SERGEF: variants seen among roughly 807,000 people sequenced by gnomAD.
SERGEF encodes secretion-regulating guanine nucleotide exchange factor.
A neutral mutation model predicts 50.0 loss-of-function variants in SERGEF; 51 were observed. The observed-to-expected ratio is 1.02, with a 90% CI of 0.81 to 1.29. The LOEUF (loss-of-function observed/expected upper bound fraction) is 1.29, where lower values mean the gene tolerates loss of function less well. SERGEF is among the 50% of genes most tolerant of loss of function. SERGEF has a pLI of 0.00. For missense variants in SERGEF, 521 were observed against 557.0 expected, an observed-to-expected ratio of 0.94 and a Z score of 0.65; for synonymous variants, 205 against 212.4, an observed-to-expected ratio of 0.97 and a Z score of 0.30.
intron 10 of SERGEF, among the ~76,000 whole-genome samples, chr11:17,806,465 T>G (rs1484102853): frequency 6.6e-6 from 1 of 152,220 alleles, no homozygotes; most frequent in Non-Finnish European, 1.5e-5. Flanking sequence ...ATTTTACCCT[T>G]GAAGAAGCTG....
rs369688020 is a variant in SERGEF at position 17,937,304 on chromosome 11, G to T, written c.1011+22166C>A. Among the ~76,000 whole-genome samples, 7 of 152,148 alleles carry T rather than the reference G, an allele frequency of 4.6e-5. No homozygotes were observed. In the East Asian group the frequency reaches 5.8e-4, roughly 13 times the overall value. ...CCCAACACTTTGGGAAGCCAAGGTG[G>T]GTGGATCATTAGAAGCCAGGAGTTC... On this transcript the variant is annotated intron_variant, in intron 9 of 10. Coordinates refer to ENST00000265965, the MANE Select transcript of SERGEF (RefSeq NM_012139.4).
intron 8 of SERGEF, among the ~76,000 whole-genome samples, chr11:17,986,128 C>G (rs1170243676): frequency 2.0e-5 from 3 of 152,158 alleles, no homozygotes; most frequent in African/African-American, 7.2e-5. Flanking sequence ...TCAAATAACT[C>G]CTTGTTCCAC....
At chr11:17,980,535 C>T (rs1169784221) in intron 8 of SERGEF, among the ~76,000 whole-genome samples, 1 of 152,190 alleles carries the variant, frequency 6.6e-6, no homozygotes, top group Non-Finnish European at 1.5e-5. Flanking sequence ...AACAAATTCA[C>T]TCATAATCCC....
At chr11:17,927,992 T>C (rs1463016500) in intron 9 of SERGEF, among the ~76,000 whole-genome samples, 1 of 152,264 alleles carries the variant, frequency 6.6e-6, no homozygotes, top group Non-Finnish European at 1.5e-5. Context: ...AAGATCCTTT[T>C]AAACTCAGCT....
At chr11:18,002,225 T>G (rs1853977865) in intron 4 of SERGEF, among the ~76,000 whole-genome samples, 1 of 152,312 alleles carries the variant, frequency 6.6e-6, no homozygotes, top group Non-Finnish European at 1.5e-5. Context: ...CACCTCCACC[T>G]CTTACTCTCC....
chr11:17,903,270 G>A (rs536983331), intron 9 of SERGEF, among the ~76,000 whole-genome samples: 1 of 150,102 alleles, frequency 6.7e-6, no homozygotes, highest in Non-Finnish European at 1.5e-5. Context: ...AAGCCTACAT[G>A]ATATGATGAT....
At chr11:17,869,135 A>G (rs762778993) in intron 10 of SERGEF, among the ~76,000 whole-genome samples, 17 of 152,204 alleles carry the variant, frequency 1.1e-4, no homozygotes, top group Non-Finnish European at 1.9e-4. Flanking sequence ...AGAATAAAAT[A>G]TAAAGAAAGA....
Position 18,006,757 on chromosome 11 carries a change from T to A in SERGEF, c.197-11A>T. The A allele has an allele frequency of 6.2e-7, 1 of 1,613,928 alleles. No homozygotes were observed. The highest frequency in any genetic ancestry group is 1.7e-5 in the Admixed American group (1 of 59,940). ...AGAGGTCTCCTCCATCTGCAAAATA[T>A]AAAGGCATCAGTGATAGCGTGCACA... On this transcript the variant is annotated splice_polypyrimidine_tract_variant and intron_variant, in intron 2 of 10. Coordinates refer to ENST00000265965, the MANE Select transcript of SERGEF (RefSeq NM_012139.4).
At chr11:17,934,831 C>CCACCACCTAATACCACGTCA (rs1565209023) in intron 9 of SERGEF, among the ~76,000 whole-genome samples, 6 of 152,332 alleles carry the variant, frequency 3.9e-5, no homozygotes, top group African/African-American at 1.4e-4. Context: ...ATCTACAATT[C>CCACCACCTAATACCACGTCA]CACCACCTAA....
At chr11:17,914,731 T>C (rs1194050561) in intron 9 of SERGEF, among the ~76,000 whole-genome samples, 2 of 152,254 alleles carry the variant, frequency 1.3e-5, no homozygotes, top group Non-Finnish European at 2.9e-5. Flanking sequence ...TTTATCTAAA[T>C]ATCTTTTATG....
At chr11:17,894,564 C>T (rs961779362) in intron 9 of SERGEF, among the ~76,000 whole-genome samples, 21 of 152,172 alleles carry the variant, frequency 1.4e-4, no homozygotes, top group African/African-American at 5.1e-4. Flanking sequence ...TTATAACTTT[C>T]TTAATCACGC....
At chr11:17,897,576 T>C (rs1278310348) in intron 9 of SERGEF, among the ~76,000 whole-genome samples, 1 of 152,070 alleles carries the variant, frequency 6.6e-6, no homozygotes, top group Non-Finnish European at 1.5e-5. Flanking sequence ...CTGAAACACA[T>C]AACAACATGG....
intron 9 of SERGEF, among the ~76,000 whole-genome samples, chr11:17,893,657 T>C (rs971051906): frequency 1.3e-5 from 2 of 152,240 alleles, no homozygotes; most frequent in Non-Finnish European, 2.9e-5. Context: ...AAGCCACTAG[T>C]ATCCACGTGC....
chr11:17,931,662 A>G (rs1189897448), intron 9 of SERGEF, among the ~76,000 whole-genome samples: 1 of 152,194 alleles, frequency 6.6e-6, no homozygotes, highest in East Asian at 1.9e-4. Context: ...GACTTCTGTG[A>G]GCACTTAGGC....
At chr11:17,986,043 A>T in intron 8 of SERGEF, among the ~76,000 whole-genome samples, 1 of 152,216 alleles carries the variant, frequency 6.6e-6, no homozygotes, top group East Asian at 1.9e-4. Flanking sequence ...GACTGAGAGC[A>T]GCCTCTGTGC....
At chr11:17,868,365 A>C (rs1851071514) in intron 10 of SERGEF, among the ~76,000 whole-genome samples, 2 of 152,196 alleles carry the variant, frequency 1.3e-5, no homozygotes, top group Admixed American at 1.3e-4. Flanking sequence ...AAAACACAAC[A>C]AGGATCACCT....
chr11:17,921,251 A>C (rs1003365050), intron 9 of SERGEF, among the ~76,000 whole-genome samples: 1 of 152,238 alleles, frequency 6.6e-6, no homozygotes, highest in African/African-American at 2.4e-5. Context: ...TTAAGTTTTA[A>C]AAGTACTCAT....
chr11:17,803,858 G>T (rs908899778), intron 10 of SERGEF, among the ~76,000 whole-genome samples: 12 of 152,198 alleles, frequency 7.9e-5, no homozygotes, highest in African/African-American at 2.9e-4. Flanking sequence ...TTTGACACAA[G>T]TTCTAGCCGA....
chr11:17,998,826 G>T (rs1244081018), intron 5 of SERGEF, among the ~76,000 whole-genome samples: 2 of 108,456 alleles, frequency 1.8e-5, no homozygotes, highest in Admixed American at 8.5e-5. Context: ...TCACCTACAG[G>T]CCAGGAAAAA....
Sources: allele counts gnomAD v4.1 joint callset (sites outside exome capture counted in the v4.1 genomes callset), GRCh38; gene constraint gnomAD v4.1.1; transcripts MANE v1.5; gene names NCBI Gene and HGNC (gene_info 2026-07-23, HGNC 2026-07-21).